Variants in PRKCA observed in about 807,000 individuals in gnomAD.
PRKCA encodes protein kinase C alpha.
A neutral mutation model predicts 87.0 loss-of-function variants in PRKCA; 27 were observed. The ratio of observed to expected loss-of-function variants is 0.31; its 90% confidence interval spans 0.23 to 0.43. The LOEUF (loss-of-function observed/expected upper bound fraction) is 0.43, where lower values mean the gene tolerates loss of function less well. Ranked by LOEUF, PRKCA falls within the 20% of genes least tolerant of loss-of-function variation. The pLI, the probability that PRKCA is intolerant of heterozygous loss-of-function variation, is 1.00. For synonymous variants in PRKCA, 329 were observed against 311.1 expected (o/e 1.06, Z -0.61); for missense variants, 518 against 852.3 (o/e 0.61, Z 4.88).
chr17:66,515,646 G>T lies in PRKCA; in HGVS notation c.288+19363G>T, dbSNP rs534779872. The stretch of plus-strand genomic sequence containing the variant: ...CGGCCTCAATTCTCTGGGCTCAGGT[G>T]ATCCTCCCCCCATCAGTCTCCCAAG... On this transcript the variant is annotated intron_variant, in intron 3 of 16. Coordinates refer to ENST00000413366, the MANE Select transcript of PRKCA (RefSeq NM_002737.3). Among the ~76,000 whole-genome samples the T allele has an allele frequency of 2.9e-3, 434 of 152,212 alleles. 2 individuals are homozygous for T. The highest frequency in any genetic ancestry group is 0.01 in the African/African-American group (419 of 41,548).
intron 13 of PRKCA, among the ~76,000 whole-genome samples, chr17:66,747,188 A>G (rs1178192555): frequency 1.3e-5 from 2 of 151,900 alleles, no homozygotes; most frequent in Non-Finnish European, 2.9e-5. Flanking sequence ...TTCCACCTCA[A>G]CCTCTTGGGT....
At position 66,767,862 on chromosome 17, in the gene PRKCA, G is replaced by A. The variant is rs185476835; in HGVS notation, c.1525-6125G>A. 3.7e-3 allele frequency among the ~76,000 whole-genome samples: 558 copies of A among 152,210 alleles called. 4 individuals are homozygous for A. The highest frequency in any genetic ancestry group is 0.027 in the Middle Eastern group (8 of 292). ...GTAGGGGAGCACATGGGCTGTTTGGGGAATACTATCTGATGCTGAAGGTTT... is the reference window on the plus strand; with the variant it reads ...GTAGGGGAGCACATGGGCTGTTTGGAGAATACTATCTGATGCTGAAGGTTT... On this transcript the variant is annotated intron_variant, in intron 13 of 16. Coordinates refer to ENST00000413366, the MANE Select transcript of PRKCA (RefSeq NM_002737.3).
intron 2 of PRKCA, among the ~76,000 whole-genome samples, chr17:66,371,078 G>A (rs1460887900): frequency 1.3e-5 from 2 of 152,162 alleles, no homozygotes; most frequent in Admixed American, 6.5e-5. Flanking sequence ...TATAGCATGC[G>A]AGTAGCAAAT....
At chr17:66,723,063 C>G (rs58397874) in intron 8 of PRKCA, among the ~76,000 whole-genome samples, 5,274 of 152,300 alleles carry the variant, frequency 0.035, 325 homozygotes, top group African/African-American at 0.12. Flanking sequence ...CTCCTGCCCC[C>G]CTTAGGAGGG....
chr17:66,758,410 C>T (rs548338097), intron 13 of PRKCA, among the ~76,000 whole-genome samples: 3 of 152,276 alleles, frequency 2.0e-5, no homozygotes, highest in African/African-American at 7.2e-5. Flanking sequence ...AGCACTTCAT[C>T]CTGAAGCATA....
At chr17:66,565,550 C>T (rs537516778) in intron 3 of PRKCA, among the ~76,000 whole-genome samples, 1 of 152,314 alleles carries the variant, frequency 6.6e-6, no homozygotes, top group Admixed American at 6.5e-5. Context: ...GTTGCTCTAG[C>T]AGAAAGCCAG....
intron 2 of PRKCA, among the ~76,000 whole-genome samples, chr17:66,363,463 T>G (rs1908514966): frequency 6.6e-6 from 1 of 152,216 alleles, no homozygotes; most frequent in Admixed American, 6.5e-5. Context: ...GCCATCCGAA[T>G]GTAAAGGCAG....
At chr17:66,577,854 G>T (rs567419682) in intron 3 of PRKCA, among the ~76,000 whole-genome samples, 1 of 152,048 alleles carries the variant, frequency 6.6e-6, no homozygotes, top group South Asian at 2.1e-4. Context: ...GTAGGGAGTG[G>T]GGTGCTGCCC....
chr17:66,781,605 T>C (rs895251961), intron 14 of PRKCA, among the ~76,000 whole-genome samples: 1 of 152,112 alleles, frequency 6.6e-6, no homozygotes, highest in African/African-American at 2.4e-5. Context: ...CACAGGGACG[T>C]GTATCGTATC....
chr17:66,655,145 A>T (rs754213203), intron 5 of PRKCA, among the ~76,000 whole-genome samples: 1 of 152,244 alleles, frequency 6.6e-6, no homozygotes, highest in Non-Finnish European at 1.5e-5. Context: ...GTGTGCTTGT[A>T]CCAGAAGAAA....
chr17:66,626,750 A>C (rs1410349156), intron 3 of PRKCA, among the ~76,000 whole-genome samples: 1 of 152,010 alleles, frequency 6.6e-6, no homozygotes, highest in East Asian at 1.9e-4. Flanking sequence ...CAAGTAATCC[A>C]CCTGTCTGGG....
intron 5 of PRKCA, among the ~76,000 whole-genome samples, chr17:66,679,013 C>T (rs1598867602): frequency 6.6e-6 from 1 of 152,120 alleles, no homozygotes; most frequent in African/African-American, 2.4e-5. Flanking sequence ...TCACTGGCTA[C>T]GTGGTCACTG....
intron 3 of PRKCA, among the ~76,000 whole-genome samples, chr17:66,617,982 A>T (rs1970560777): frequency 6.6e-6 from 1 of 152,098 alleles, no homozygotes; most frequent in Non-Finnish European, 1.5e-5. Flanking sequence ...GTTGATTTTT[A>T]AGTCAAGGGC....
intron 2 of PRKCA, among the ~76,000 whole-genome samples, chr17:66,384,269 TTTAC>T (rs1217367657): frequency 6.6e-6 from 1 of 152,160 alleles, no homozygotes; most frequent in Non-Finnish European, 1.5e-5. Flanking sequence ...CTGATTATAG[TTTAC>T]TTGACTTTGA....
intron 2 of PRKCA, among the ~76,000 whole-genome samples, chr17:66,486,380 G>A (rs1046875359): frequency 2.0e-5 from 3 of 152,152 alleles, no homozygotes; most frequent in Non-Finnish European, 1.5e-5. Context: ...CAAACGTGTC[G>A]CTGTCATCAT....
chr17:66,586,775 C>T (rs1282860943), intron 3 of PRKCA, among the ~76,000 whole-genome samples: 1 of 152,200 alleles, frequency 6.6e-6, no homozygotes, highest in Non-Finnish European at 1.5e-5. Flanking sequence ...TCTTCATGGT[C>T]ATCATCCACT....
intron 2 of PRKCA, among the ~76,000 whole-genome samples, chr17:66,454,669 C>T (rs1914499163): frequency 6.6e-6 from 1 of 152,190 alleles, no homozygotes; most frequent in South Asian, 2.1e-4. Flanking sequence ...CTTTCTAAAA[C>T]CATCAGATCT....
At chr17:66,647,255 G>A (rs548142291) in intron 5 of PRKCA, among the ~76,000 whole-genome samples, 2 of 152,310 alleles carry the variant, frequency 1.3e-5, no homozygotes, top group South Asian at 2.1e-4. Context: ...CCTAGTCTCC[G>A]TAGGTGGTAA....
In PRKCA at chr17:66,619,619, C is replaced by T. The variant is rs146859091; in HGVS notation, c.289-21736C>T. 2.2e-4 allele frequency among the ~76,000 whole-genome samples: 34 copies of T among 152,268 alleles called. No homozygotes were observed. In the East Asian group the frequency reaches 5.4e-3, roughly 24 times the overall value. ...ATTATCTCCATCCATGAACTAAAAG[C>T]GTTTGAGGGATGGCAATGCTGTGCA... On this transcript the variant is annotated intron_variant, in intron 3 of 16. Coordinates refer to ENST00000413366, the MANE Select transcript of PRKCA (RefSeq NM_002737.3).
Sources: gnomAD v4.1 joint callset for allele counts (sites outside exome capture counted in the v4.1 genomes callset) on GRCh38, gnomAD v4.1.1 for gene constraint, MANE v1.5 for transcripts, NCBI Gene and HGNC (gene_info 2026-07-23, HGNC 2026-07-21) for gene names.